BICD1: variants seen among roughly 807,000 people sequenced by gnomAD.
BICD1 encodes protein bicaudal D homolog 1.
In BICD1, 35 loss-of-function variants were observed where a neutral mutation model predicts 92.5. The ratio of observed to expected loss-of-function variants is 0.38; its 90% confidence interval spans 0.29 to 0.50. The LOEUF (loss-of-function observed/expected upper bound fraction) is 0.50, where lower values mean the gene tolerates loss of function less well. BICD1 is among the 20% of genes least tolerant of loss of function. The pLI, the probability that BICD1 is intolerant of heterozygous loss-of-function variation, is 0.93. For synonymous variants in BICD1, 429 were observed against 465.1 expected, an observed-to-expected ratio of 0.92 and a Z score of 1.00; for missense variants, 950 against 1,189.8, an observed-to-expected ratio of 0.80 and a Z score of 2.97.
chr12:32,129,339 C>T (rs1205641511), intron 1 of BICD1, among the ~76,000 whole-genome samples: 2 of 151,238 alleles, frequency 1.3e-5, no homozygotes, highest in Non-Finnish European at 3.0e-5. Flanking sequence ...GCCTGGCCAA[C>T]ATAGTGAAAT....
At chr12:32,251,030 C>T (rs1395725781) in intron 2 of BICD1, among the ~76,000 whole-genome samples, 1 of 152,024 alleles carries the variant, frequency 6.6e-6, no homozygotes, top group East Asian at 1.9e-4. Context: ...AAGCTTAGGT[C>T]CTAGTTCTTT....
intron 8 of BICD1, among the ~76,000 whole-genome samples, chr12:32,356,994 C>T (rs760742238): frequency 6.3e-4 from 94 of 149,504 alleles, no homozygotes; most frequent in Non-Finnish European, 1.2e-3. Context: ...CTGCTAAATT[C>T]GAATGCAGAT....
intron 1 of BICD1, among the ~76,000 whole-genome samples, chr12:32,211,951 C>T (rs1356864904): frequency 2.0e-5 from 3 of 152,194 alleles, no homozygotes; most frequent in Non-Finnish European, 4.4e-5. Flanking sequence ...GCAAAGTCAA[C>T]ATCATCTGCA....
rs1216944723 is a variant in BICD1, at chr12:32,313,924, C to T, written c.1005+7802C>T. Among the ~76,000 whole-genome samples the T allele has an allele frequency of 6.6e-6, 1 of 151,980 alleles. No individual in the cohort carries two copies. Reference sequence around the variant, plus strand: ...TGAGTCTGGGAGGAGGTCAAGGCTGCAGTGAGCCATGACCATGCCACTGCA... The same window carrying T: ...TGAGTCTGGGAGGAGGTCAAGGCTGTAGTGAGCCATGACCATGCCACTGCA... On this transcript the variant is annotated intron_variant, in intron 4 of 9. Coordinates refer to ENST00000652176, the MANE Select transcript of BICD1 (RefSeq NM_001714.4). This position sits in a 1 kb window ranked among gnomAD's most constrained non-coding sequence, Gnocchi z 4.2.
chr12:32,302,148 A>T (rs1733000701), intron 3 of BICD1, among the ~76,000 whole-genome samples: 1 of 152,124 alleles, frequency 6.6e-6, no homozygotes, highest in Non-Finnish European at 1.5e-5. Context: ...AGCCTCCCAA[A>T]GTGCTGGGAT....
chr12:32,262,893 C>G (rs1004596236), intron 2 of BICD1, among the ~76,000 whole-genome samples: 5 of 152,124 alleles, frequency 3.3e-5, no homozygotes, highest in African/African-American at 1.2e-4. Context: ...CCTGTAATCC[C>G]AGCACTTTGA....
chr12:32,198,547 T>TC (rs67312560), intron 1 of BICD1, among the ~76,000 whole-genome samples: 1 of 6,426 alleles, frequency 1.6e-4, no homozygotes, highest in African/African-American at 3.8e-3. Context: ...ATCCCCACTC[T>TC]TTTTTTTTTA....
intron 1 of BICD1, among the ~76,000 whole-genome samples, chr12:32,126,808 A>C (rs1410562102): frequency 6.6e-6 from 1 of 152,062 alleles, no homozygotes; most frequent in Non-Finnish European, 1.5e-5. Flanking sequence ...TAAAAATATA[A>C]ATATACAAGG....
intron 1 of BICD1, among the ~76,000 whole-genome samples, chr12:32,200,411 C>G (rs549163278): frequency 6.6e-6 from 1 of 152,324 alleles, no homozygotes; most frequent in Admixed American, 6.5e-5. Context: ...ATGGCTCCCT[C>G]TCCTTAAACT....
rs981421289 is a variant in BICD1, at chr12:32,220,116, G to T, written c.426+3657G>T. Reference sequence around the variant, plus strand: ...TTCAAGATGGATTAAAGACTTAAACGTTAGACCTAAAACCATAAAAACCCT... The same window carrying T: ...TTCAAGATGGATTAAAGACTTAAACTTTAGACCTAAAACCATAAAAACCCT... On this transcript the variant is annotated intron_variant, in intron 2 of 9. Coordinates refer to ENST00000652176, the MANE Select transcript of BICD1 (RefSeq NM_001714.4). Among the ~76,000 whole-genome samples, 6 of 152,068 alleles carry T rather than the reference G, an allele frequency of 3.9e-5. No homozygotes were observed. The East Asian group carries it at 7.7e-4, about 19-fold the overall frequency.
At chr12:32,271,279 C>G (rs1186259225) in intron 2 of BICD1, among the ~76,000 whole-genome samples, 1 of 152,162 alleles carries the variant, frequency 6.6e-6, no homozygotes, top group Non-Finnish European at 1.5e-5. Flanking sequence ...AGCCCTCTCC[C>G]CAGTTTGGAG....
At chr12:32,179,989 CA>C (rs4001794) in intron 1 of BICD1, among the ~76,000 whole-genome samples, 118 of 122,162 alleles carry the variant, frequency 9.7e-4, no homozygotes, top group African/African-American at 2.3e-3. Context: ...GACACGCTCT[CA>C]AAAAAAAAAA....
intron 1 of BICD1, among the ~76,000 whole-genome samples, chr12:32,211,442 C>A (rs326629): frequency 6.6e-6 from 1 of 152,172 alleles, no homozygotes; most frequent in Non-Finnish European, 1.5e-5. Flanking sequence ...TCTGGGTCTA[C>A]ATCTGAAATG....
At chr12:32,206,465 G>A (rs1592474208) in intron 1 of BICD1, among the ~76,000 whole-genome samples, 3 of 152,144 alleles carry the variant, frequency 2.0e-5, no homozygotes, top group African/African-American at 7.2e-5. Context: ...AATTAGCTGG[G>A]TGTGGTGGTG....
chr12:32,274,081 T>G (rs1947215293), intron 2 of BICD1, among the ~76,000 whole-genome samples: 1 of 152,202 alleles, frequency 6.6e-6, no homozygotes, highest in Middle Eastern at 3.2e-3. Context: ...CTTTTAGGCT[T>G]GAAGGCAGGG....
In BICD1 at chr12:32,328,594, C is replaced by T; in HGVS notation, c.2100+39C>T. The stretch of plus-strand genomic sequence containing the variant: ...ACTGGTGAAAGCATGCCAGTCAAAG[C>T]TTTCTTAACTAATTTATTCCCTAAT... On this transcript the variant is annotated intron_variant, in intron 5 of 9. Transcript: ENST00000652176. This position sits in a 1 kb window ranked among gnomAD's most constrained non-coding sequence, Gnocchi z 4.4. 3.2e-6 allele frequency: 5 copies of T among 1,566,972 alleles called. No homozygotes were observed. Among genetic ancestry groups the T allele is most frequent in the East Asian group, 2.3e-5 (1 of 44,368 alleles).
chr12:32,140,065 G>A (rs1942860898), intron 1 of BICD1, among the ~76,000 whole-genome samples: 1 of 152,204 alleles, frequency 6.6e-6, no homozygotes, highest in Non-Finnish European at 1.5e-5. Flanking sequence ...AAGTCAGCCG[G>A]CAGGAGTTCC....
intron 1 of BICD1, among the ~76,000 whole-genome samples, chr12:32,138,580 T>C (rs1942807162): frequency 6.6e-6 from 1 of 152,234 alleles, no homozygotes; most frequent in African/African-American, 2.4e-5. Flanking sequence ...ACGTCTATTC[T>C]GTTTTTCACT....
intron 1 of BICD1, among the ~76,000 whole-genome samples, chr12:32,164,962 G>A (rs1180590345): frequency 6.6e-6 from 1 of 152,182 alleles, no homozygotes; most frequent in African/African-American, 2.4e-5. Flanking sequence ...CTGGGGTCAT[G>A]CCCGTGCCTG....
Sources: gnomAD v4.1 joint callset for allele counts (sites outside exome capture counted in the v4.1 genomes callset) on GRCh38, gnomAD v4.1.1 for gene constraint, Gnocchi (gnomAD v3.1) non-coding constraint, MANE v1.5 for transcripts, NCBI Gene and HGNC (gene_info 2026-07-23, HGNC 2026-07-21) for gene names.